HYDIN: variants seen among roughly 807,000 people sequenced by gnomAD.
HYDIN encodes the protein HYDIN axonemal central pair apparatus protein.
A neutral mutation model predicts 403.9 loss-of-function variants in HYDIN; 132 were observed. That is an observed-to-expected ratio of 0.33 (90% CI 0.28 to 0.38). The LOEUF is 0.38. Among genes scored for constraint, HYDIN ranks in the 10% least tolerant of loss-of-function variants. HYDIN has a pLI of 1.00. For missense variants in HYDIN, 2,827 were observed against 5,009.5 expected, an observed-to-expected ratio of 0.56 and a Z score of 13.15; for synonymous variants, 1,202 against 1,891.7, an observed-to-expected ratio of 0.64 and a Z score of 9.46.
intron 36 of HYDIN, 119 bp downstream of exon 36, chr16:70,970,401 G>A (rs1215373034): frequency 5.0e-6 from 3 of 598,896 alleles, no homozygotes; most frequent in Non-Finnish European, 8.9e-6. Context: ...TTTTACTCAG[G>A]TCAAGGGAAG....
intron 10 of HYDIN, among the ~76,000 whole-genome samples, chr16:71,110,426 A>ATATTATTTATATAT (rs2083777643): frequency 7.2e-6 from 1 of 139,370 alleles, no homozygotes; most frequent in African/African-American, 2.8e-5. Flanking sequence ...TTTATATATA[A>ATATTATTTATATAT]TTATAAATAT....
intron 18 of HYDIN, 110 bp from the exon 19 acceptor site, chr16:71,032,027 G>A: frequency 1.9e-6 from 1 of 518,716 alleles, no homozygotes; most frequent in South Asian, 3.4e-5. Flanking sequence ...TTCAACATCA[G>A]AGACAAACAT....
chr16:70,923,993 C>A (rs539435539), intron 45 of HYDIN, among the ~76,000 whole-genome samples: 1 of 151,700 alleles, frequency 6.6e-6, no homozygotes, highest in Non-Finnish European at 1.5e-5. Context: ...GTGAAATGTC[C>A]GAGAGGACAT....
chr16:71,065,328 G>A (rs1308832986), intron 15 of HYDIN, among the ~76,000 whole-genome samples: 1 of 152,280 alleles, frequency 6.6e-6, no homozygotes, highest in East Asian at 1.9e-4. Flanking sequence ...GGATGCAGAG[G>A]CTCAGGTGGC....
chr16:70,820,808 C>T (rs1350503967), intron 83 of HYDIN, among the ~76,000 whole-genome samples: 1 of 151,958 alleles, frequency 6.6e-6, no homozygotes, highest in Non-Finnish European at 1.5e-5. Flanking sequence ...GCCACCACAC[C>T]CGTCTAATTT....
At chr16:70,947,435 G>C (rs1319996028) in intron 41 of HYDIN, among the ~76,000 whole-genome samples, 7 of 151,580 alleles carry the variant, frequency 4.6e-5, no homozygotes, top group Non-Finnish European at 5.9e-5. Flanking sequence ...TGCTGGATTC[G>C]GTTTGCCAGT....
At chr16:70,942,098 C>G (rs1249866248) in intron 42 of HYDIN, among the ~76,000 whole-genome samples, 1 of 147,414 alleles carries the variant, frequency 6.8e-6, no homozygotes, top group Non-Finnish European at 1.5e-5. Flanking sequence ...AATCTCGGCT[C>G]ACTGCAACCT....
chr16:70,809,417 G>A (rs893197223), intron 85 of HYDIN, among the ~76,000 whole-genome samples: 7 of 152,202 alleles, frequency 4.6e-5, no homozygotes, highest in Non-Finnish European at 7.3e-5. Context: ...CATACAAAGA[G>A]TAAGTGGTGA....
chr16:71,171,368 T>A (rs184073858), intron 5 of HYDIN, among the ~76,000 whole-genome samples: 1 of 152,346 alleles, frequency 6.6e-6, no homozygotes, highest in Non-Finnish European at 1.5e-5. Flanking sequence ...CCCTACCCCC[T>A]ACTATGTCAA....
chr16:71,043,998 G>C (rs1290479761), intron 18 of HYDIN, among the ~76,000 whole-genome samples: 1 of 152,016 alleles, frequency 6.6e-6, no homozygotes, highest in East Asian at 1.9e-4. Context: ...GAAAAAGAGA[G>C]AGAAAGAAAG....
intron 5 of HYDIN, among the ~76,000 whole-genome samples, chr16:71,169,516 G>A (rs1384693252): frequency 6.6e-6 from 1 of 152,172 alleles, no homozygotes; most frequent in African/African-American, 2.4e-5. Flanking sequence ...CATCATTTGT[G>A]ACAACATGGA....
chr16:71,117,653 A>C (rs2084092451), intron 9 of HYDIN, among the ~76,000 whole-genome samples: 1 of 151,568 alleles, frequency 6.6e-6, no homozygotes, highest in South Asian at 2.1e-4. Context: ...ATAGAAAACT[A>C]AGGAAAGACA....
intron 18 of HYDIN, among the ~76,000 whole-genome samples, chr16:71,054,115 G>A (rs960587916): frequency 6.6e-6 from 1 of 152,238 alleles, no homozygotes; most frequent in African/African-American, 2.4e-5. Context: ...TGCTAGGCAT[G>A]AATCACATTA....
chr16:71,215,013 A>C (rs2088807075), intron 1 of HYDIN, among the ~76,000 whole-genome samples: 1 of 152,220 alleles, frequency 6.6e-6, no homozygotes, highest in South Asian at 2.1e-4. Flanking sequence ...CTGGGGCAGG[A>C]AATAGACAAG....
At chr16:70,915,403 A>C (rs896281618) in intron 47 of HYDIN, among the ~76,000 whole-genome samples, 5 of 151,328 alleles carry the variant, frequency 3.3e-5, no homozygotes, top group Non-Finnish European at 7.4e-5. Flanking sequence ...GCTGATGGTT[A>C]TCTCTCTTCT....
chr16:71,202,539 A>G (rs2088073172), intron 1 of HYDIN, among the ~76,000 whole-genome samples: 1 of 152,262 alleles, frequency 6.6e-6, no homozygotes, highest in African/African-American at 2.4e-5. Context: ...CTTCTTTATG[A>G]AAGAAATCTA....
In HYDIN at chr16:71,069,466, G is replaced by A. The variant is rs764219441; in HGVS notation, c.1775C>T (p.Thr592Ile). The A allele has an allele frequency of 1.2e-6, 2 of 1,613,736 alleles. No homozygotes were observed. The highest frequency in any genetic ancestry group is 1.7e-6 in the Non-Finnish European group (2 of 1,179,780). Residue 592 changes from threonine to isoleucine, a missense_variant, in exon 14 of 86, where the codon ACC becomes ATC. Transcript: ENST00000393567. ...PHTLICSLNN[T>I]SLIPMTYKLR... is the part of the protein sequence containing the mutation. ...TTTGTAAGTCATGGGGATCAAAGAG[G>A]TATTATTGAGGGAACATATCAAGGT... is the stretch of plus-strand genomic sequence containing the variant.
At chr16:71,000,060 A>C (rs1383825587) in intron 23 of HYDIN, among the ~76,000 whole-genome samples, 1 of 149,924 alleles carries the variant, frequency 6.7e-6, no homozygotes, top group Non-Finnish European at 1.5e-5. Context: ...TTTTAAAGTC[A>C]ATTTCTTTTA....
At chr16:71,017,265 G>T (rs1357163640) in intron 23 of HYDIN, among the ~76,000 whole-genome samples, 1 of 149,974 alleles carries the variant, frequency 6.7e-6, no homozygotes, top group South Asian at 2.1e-4. Flanking sequence ...CAGGGGAATC[G>T]CTTGAACCTG....
Sources: allele counts gnomAD v4.1 joint callset (sites outside exome capture counted in the v4.1 genomes callset), GRCh38; gene constraint gnomAD v4.1.1; transcripts MANE v1.5; gene names NCBI Gene and HGNC (gene_info 2026-07-23, HGNC 2026-07-21).